SDCCAG8: variants seen among roughly 807,000 people sequenced by gnomAD.
SDCCAG8 encodes the protein serologically defined colon cancer antigen 8.
In SDCCAG8, 74 loss-of-function variants were observed where a neutral mutation model predicts 101.8. The ratio of observed to expected loss-of-function variants is 0.73; its 90% CI spans 0.60 to 0.88. SDCCAG8 has a LOEUF of 0.88. SDCCAG8 is among the 40% of genes least tolerant of loss of function. SDCCAG8 has a pLI of 0.00. For synonymous variants in SDCCAG8, 281 were observed against 292.9 expected (o/e 0.96, Z 0.41); for missense variants, 787 against 822.6 (o/e 0.96, Z 0.53).
intron 9 of SDCCAG8, among the ~76,000 whole-genome samples, chr1:243,325,959 G>C (rs1052516561): frequency 6.6e-6 from 1 of 152,186 alleles, no homozygotes. Context: ...TTGATAAAAA[G>C]CTACACGAAG....
At chr1:243,350,252 A>G (rs766185110) in intron 12 of SDCCAG8, among the ~76,000 whole-genome samples, 17 of 151,582 alleles carry the variant, frequency 1.1e-4, no homozygotes, top group Non-Finnish European at 2.2e-4. Context: ...ACTGTCGCCC[A>G]GGCTGGAGTG....
intron 12 of SDCCAG8, among the ~76,000 whole-genome samples, chr1:243,374,101 G>C (rs901091511): frequency 6.6e-6 from 1 of 151,874 alleles, no homozygotes; most frequent in African/African-American, 2.4e-5. Context: ...ACAAGAAATA[G>C]CTCATAGAAA....
chr1:243,486,141 C>T (rs1462526277), intron 16 of SDCCAG8, among the ~76,000 whole-genome samples: 1 of 122,732 alleles, frequency 8.1e-6, no homozygotes, highest in Non-Finnish European at 1.6e-5. Flanking sequence ...GCGGAGGTTG[C>T]GGTGAGCCGA....
At chr1:243,486,202 CAAA>C (rs57724631) in intron 16 of SDCCAG8, among the ~76,000 whole-genome samples, 10,026 of 60,620 alleles carry the variant, frequency 0.17, 302 homozygotes, top group East Asian at 0.36. Context: ...ACTCTGCCTC[CAAA>C]AAAAAAAAAA....
intron 16 of SDCCAG8, among the ~76,000 whole-genome samples, chr1:243,481,281 AGTCTAAGAAG>A (rs1486956758): frequency 1.3e-5 from 2 of 152,096 alleles, no homozygotes; most frequent in African/African-American, 2.4e-5. Context: ...ACCTGTACAG[AGTCTAAGAAG>A]GAGAGTGATG....
At chr1:243,358,188 T>A (rs569394584) in intron 12 of SDCCAG8, among the ~76,000 whole-genome samples, 51 of 152,236 alleles carry the variant, frequency 3.4e-4, no homozygotes, top group Middle Eastern at 3.4e-3. Flanking sequence ...TGGTAACTCA[T>A]GTATCTGATA....
intron 12 of SDCCAG8, among the ~76,000 whole-genome samples, chr1:243,353,336 C>A (rs1036764217): frequency 1.3e-5 from 2 of 150,636 alleles, no homozygotes; most frequent in Admixed American, 1.3e-4. Flanking sequence ...ACTAAAAATT[C>A]AAAAATTAGC....
At chr1:243,361,450 T>C (rs2076706212) in intron 12 of SDCCAG8, among the ~76,000 whole-genome samples, 1 of 152,260 alleles carries the variant, frequency 6.6e-6, no homozygotes, top group Non-Finnish European at 1.5e-5. Context: ...AAAACGTGAA[T>C]TGCATTGCAT....
intron 4 of SDCCAG8, among the ~76,000 whole-genome samples, chr1:243,285,598 A>G (rs2069533262): frequency 2.0e-5 from 3 of 152,220 alleles, no homozygotes; most frequent in Admixed American, 6.5e-5. Flanking sequence ...TAAGTATTAT[A>G]TGATTGATAT....
chr1:243,498,623 T>G (rs571401331), intron 17 of SDCCAG8, among the ~76,000 whole-genome samples: 7 of 152,374 alleles, frequency 4.6e-5, no homozygotes, highest in Non-Finnish European at 8.8e-5. Flanking sequence ...AATGTAAACA[T>G]TACTTTTTCT....
intron 16 of SDCCAG8, among the ~76,000 whole-genome samples, chr1:243,441,676 T>A (rs1464122242): frequency 6.6e-6 from 1 of 152,214 alleles, no homozygotes; most frequent in African/African-American, 2.4e-5. Flanking sequence ...TGTTAAAATA[T>A]ATATATGTAA....
intron 16 of SDCCAG8, among the ~76,000 whole-genome samples, chr1:243,440,331 A>G (rs1359881055): frequency 6.6e-6 from 1 of 152,216 alleles, no homozygotes; most frequent in Non-Finnish European, 1.5e-5. Flanking sequence ...AAAGGAAAAG[A>G]AAAACATTAA....
intron 16 of SDCCAG8, among the ~76,000 whole-genome samples, chr1:243,486,285 A>G (rs2148249299): frequency 1.3e-5 from 2 of 149,338 alleles, no homozygotes; most frequent in Admixed American, 1.3e-4. Context: ...TTAAAAATTG[A>G]GTCAATTGGA....
At chr1:243,385,745 G>A (rs185161693) in intron 13 of SDCCAG8, among the ~76,000 whole-genome samples, 12 of 152,050 alleles carry the variant, frequency 7.9e-5, no homozygotes, top group Admixed American at 2.0e-4. Context: ...CGAGGCGGGC[G>A]GATCACCTGA....
intron 6 of SDCCAG8, among the ~76,000 whole-genome samples, chr1:243,300,073 C>T (rs1216810461): frequency 6.6e-6 from 1 of 151,864 alleles, no homozygotes; most frequent in Non-Finnish European, 1.5e-5. Context: ...CTATGTTTGC[C>T]AGGCTGGTCT....
chr1:243,460,549 T>A (rs1658869744), intron 16 of SDCCAG8, among the ~76,000 whole-genome samples: 1 of 152,238 alleles, frequency 6.6e-6, no homozygotes. Context: ...ATTGGACATT[T>A]AAAAATGGAT....
chr1:243,338,537 A>G (rs1032697906), intron 10 of SDCCAG8, among the ~76,000 whole-genome samples: 4 of 151,196 alleles, frequency 2.6e-5, no homozygotes, highest in African/African-American at 9.7e-5. Context: ...TTTGTGTGTT[A>G]TCTTCAATAA....
intron 12 of SDCCAG8, among the ~76,000 whole-genome samples, chr1:243,377,479 C>T (rs1258827953): frequency 6.6e-6 from 1 of 151,872 alleles, no homozygotes; most frequent in East Asian, 1.9e-4. Context: ...GAAAATGATA[C>T]AATTATTTCA....
chr1:243,361,321 C>A (rs1467142695), intron 12 of SDCCAG8, among the ~76,000 whole-genome samples: 1 of 152,222 alleles, frequency 6.6e-6, no homozygotes, highest in African/African-American at 2.4e-5. Context: ...CTCCTGCCCC[C>A]TTTCTGCTTT....
Sources: allele counts gnomAD v4.1 joint callset (sites outside exome capture counted in the v4.1 genomes callset), GRCh38; gene constraint gnomAD v4.1.1; transcripts MANE v1.5; gene names NCBI Gene and HGNC (gene_info 2026-07-23, HGNC 2026-07-21).